The following CRBN variants were observed in gnomAD, a reference collection of about 807,000 sequenced individuals.
CRBN encodes the protein cereblon.
In CRBN, 53 loss-of-function variants were observed where a neutral mutation model predicts 62.2. The ratio of observed to expected loss-of-function variants is 0.85; its 90% CI spans 0.68 to 1.07. The LOEUF (loss-of-function observed/expected upper bound fraction) is 1.07. Among genes scored for constraint, CRBN ranks in the 50% least tolerant of loss-of-function variants. The pLI, the probability that CRBN is intolerant of heterozygous loss-of-function variation, is 0.00. For missense variants in CRBN, 616 were observed against 531.1 expected (o/e 1.16, Z -1.57); for synonymous variants, 208 against 176.1 (o/e 1.18, Z -1.43).
chr3:3,167,744 T>C lies in CRBN; in HGVS notation c.577A>G (p.Thr193Ala), dbSNP rs1707407341. The C allele has an allele frequency of 3.7e-6, 6 of 1,613,550 alleles. No individual in the cohort carries two copies. The African/African-American group carries it at 6.7e-5, about 18-fold the overall frequency. The change falls in exon 5 of 11, where the codon ACC becomes GCC. Residue 193 changes from threonine to alanine, a missense_variant. By Grantham distance (58) the Thr-to-Ala change is moderately conservative (BLOSUM62 0). Coordinates refer to ENST00000231948, the MANE Select transcript of CRBN (RefSeq NM_016302.4). ...GATTCTAATTGAACTGCAGACATGG[T>C]TGAAGGCAACACACATTCGGGAAGA... ...QILPECVLPS[T>A]MSAVQLESLN...
chr3:3,179,307 C>T (rs1036549018), intron 1 of CRBN, among the ~76,000 whole-genome samples: 2 of 152,206 alleles, frequency 1.3e-5, no homozygotes, highest in African/African-American at 4.8e-5. Flanking sequence ...TGACCCGGTC[C>T]TCTAGTTTCA....
chr3:3,179,649 G>C lies in CRBN; in HGVS notation c.39C>G (p.Asn13Lys). 6.2e-7 allele frequency: 1 copy of C among 1,613,236 alleles called. No homozygotes were observed. Among genetic ancestry groups the C allele is most frequent in the East Asian group, 2.2e-5 (1 of 44,866 alleles). The change falls in exon 1 of 11, where the codon AAC becomes AAG. Residue 13 changes from asparagine (N) to lysine (K), a missense_variant. By Grantham distance (94) the Asn-to-Lys change is moderately conservative. Coordinates refer to ENST00000231948, the MANE Select transcript of CRBN (RefSeq NM_016302.4). ...GEGDQQDAAHNMGNHLPLLPA... is the reference protein window; with the variant it reads ...GEGDQQDAAHKMGNHLPLLPA... ...GCAGGAGCGGCAGGTGGTTGCCCAT[G>C]TTGTGCGCAGCGTCCTGCTGATCTC...
intron 4 of CRBN, among the ~76,000 whole-genome samples, chr3:3,170,235 C>T (rs1221699718): frequency 6.6e-6 from 1 of 152,168 alleles, no homozygotes; most frequent in Admixed American, 6.5e-5. Flanking sequence ...CATACCTTGG[C>T]CTTCCAGAGG....
intron 5 of CRBN, among the ~76,000 whole-genome samples, chr3:3,161,992 G>C (rs890102154): frequency 6.6e-6 from 1 of 152,178 alleles, no homozygotes; most frequent in Non-Finnish European, 1.5e-5. Flanking sequence ...TTTGTATCTA[G>C]ATAAAATTAG....
At chr3:3,153,542 C>A in intron 8 of CRBN, 54 bp from the exon 9 acceptor site, 1 of 918,062 alleles carries the variant, frequency 1.1e-6, no homozygotes, top group South Asian at 1.3e-5. Flanking sequence ...TTCACTTTAT[C>A]ATGTAATCAC....
intron 10 of CRBN, among the ~76,000 whole-genome samples, chr3:3,151,408 G>C (rs1193678071): frequency 6.6e-6 from 1 of 152,102 alleles, no homozygotes; most frequent in Non-Finnish European, 1.5e-5. Context: ...TTGCAGTCAA[G>C]TTAGAAAACA....
intron 4 of CRBN, among the ~76,000 whole-genome samples, chr3:3,171,864 T>G (rs1707630770): frequency 6.6e-6 from 1 of 152,158 alleles, no homozygotes. Flanking sequence ...AGAGGTCTGA[T>G]GAGATTTTCA....
rs769628677 is a variant in CRBN, at chr3:3,154,770, T to A, written c.812A>T (p.Asp271Val). ...LREWDENLKD[D>V]SLPSNPIDFS... ...ACCTATTGGATTTGAAGGAAGAGAA[T>A]CATCTTTTAGATTTTCATCCCATTC... Residue 271 changes from aspartate to valine, a missense_variant, in exon 7 of 11, where the codon GAT becomes GTT. Asp to Val is a radical substitution (Grantham distance 152). Transcript: ENST00000231948. 11 of 1,600,466 alleles carry A rather than the reference T, an allele frequency of 6.9e-6. No individual in the cohort carries two copies. The highest frequency in any genetic ancestry group is 9.4e-6 in the Non-Finnish European group (11 of 1,167,896).
At chr3:3,159,945 T>C (rs1033233818) in intron 5 of CRBN, among the ~76,000 whole-genome samples, 4 of 152,216 alleles carry the variant, frequency 2.6e-5, no homozygotes, top group Non-Finnish European at 5.9e-5. Context: ...CCATGATTGA[T>C]GTCATAAAAT....
At position 3,152,879 on chromosome 3, in the gene CRBN, A is replaced by G. The variant is rs7625161; in HGVS notation, c.1017-292T>C. On this transcript the variant is annotated intron_variant, in intron 9 of 10. Coordinates refer to ENST00000231948, the MANE Select transcript of CRBN (RefSeq NM_016302.4). Reference sequence around the variant, plus strand: ...ACATTGTAAAGAATATAAAACTCAAATGCTTCTAAAGGAGTCTGAGAGTGT... The same window carrying G: ...ACATTGTAAAGAATATAAAACTCAAGTGCTTCTAAAGGAGTCTGAGAGTGT... 3.8e-3 allele frequency: 1,633 copies of G among 430,766 alleles called. 21 individuals carry two copies. The highest frequency in any genetic ancestry group is 0.029 in the African/African-American group (1,444 of 50,134). 26.7% of individuals were successfully genotyped at this position (430,766 alleles called of 1,614,324 possible).
At position 3,152,557 on chromosome 3, in the gene CRBN, A is replaced by G. The variant is rs891991905; in HGVS notation, c.1047T>C (p.Tyr349=). The G allele has an allele frequency of 6.8e-6, 11 of 1,614,172 alleles. No individual in the cohort carries two copies. Among genetic ancestry groups the G allele is most frequent in the Middle Eastern group, 1.6e-4 (1 of 6,062 alleles). The part of the protein sequence containing the change: ...SLSLCGPMAA[Y]VNPHGYVHET... ...CATGCACATATCCATGAGGATTCAC[A>G]TAAGCTGCCATCGGCCCACATAAGG... The change falls in exon 10 of 11, where the codon TAT becomes TAC. Residue 349 remains tyrosine (Y), a synonymous_variant. Coordinates refer to ENST00000231948, the MANE Select transcript of CRBN (RefSeq NM_016302.4).
intron 5 of CRBN, among the ~76,000 whole-genome samples, chr3:3,161,936 T>C (rs912934150): frequency 6.6e-6 from 1 of 152,128 alleles, no homozygotes; most frequent in African/African-American, 2.4e-5. Context: ...GATACACCGT[T>C]AAGAAAAAGG....
At chr3:3,171,520 C>T (rs1707613829) in intron 4 of CRBN, among the ~76,000 whole-genome samples, 1 of 152,104 alleles carries the variant, frequency 6.6e-6, no homozygotes, top group Non-Finnish European at 1.5e-5. Flanking sequence ...ACATAAAATC[C>T]TGTCAGGACA....
Position 3,174,255 on chromosome 3 carries a change from C to T in CRBN, c.181G>A (p.Gly61Ser). The change falls in exon 3 of 11, where the codon GGT becomes AGT. Residue 61 changes from glycine to serine, a missense_variant. Transcript: ENST00000231948. ...TSLPTSHTYL[G>S]ADMEEFHGRT... ...CCATGAAATTCTTCCATATCAGCAC[C>T]TAGGTACTATATAAAAACATATATA... 6.2e-7 allele frequency: 1 copy of T among 1,611,886 alleles called. No individual in the cohort carries two copies. Among genetic ancestry groups the T allele is most frequent in the Non-Finnish European group, 8.5e-7 (1 of 1,178,028 alleles).
In CRBN at chr3:3,172,942, A is replaced by G; in HGVS notation, c.378-17T>C. ...TGTACATTGCTTCCAAGAAAATTTTAAAAGGAAAGAATTTTGAACATTTGA... is the reference window on the plus strand; with the variant it reads ...TGTACATTGCTTCCAAGAAAATTTTGAAAGGAAAGAATTTTGAACATTTGA... On this transcript the variant is annotated splice_polypyrimidine_tract_variant and intron_variant, in intron 3 of 10. Transcript: ENST00000231948. 6.2e-7 allele frequency: 1 copy of G among 1,608,996 alleles called. No individual in the cohort carries two copies. The highest frequency in any genetic ancestry group is 8.5e-7 in the Non-Finnish European group (1 of 1,175,396).
intron 5 of CRBN, among the ~76,000 whole-genome samples, chr3:3,157,636 G>A (rs920478196): frequency 6.6e-6 from 1 of 152,062 alleles, no homozygotes; most frequent in East Asian, 1.9e-4. Flanking sequence ...GGAAACGTGG[G>A]AACACAGCAC....
At chr3:3,160,550 C>G (rs752338737) in intron 5 of CRBN, among the ~76,000 whole-genome samples, 11 of 152,160 alleles carry the variant, frequency 7.2e-5, no homozygotes, top group Non-Finnish European at 1.6e-4. Context: ...ACCAGTCTTT[C>G]TGAGGAAGCA....
At chr3:3,154,560 A>C in intron 7 of CRBN, 187 bp downstream of exon 7, 1 of 578,404 alleles carries the variant, frequency 1.7e-6, no homozygotes, top group East Asian at 2.9e-5. Context: ...GAATATGAGG[A>C]TTTTATTGCA....
chr3:3,174,025 G>GA (rs1279183816), intron 3 of CRBN, 34 bp downstream of exon 3: 4 of 1,544,484 alleles, frequency 2.6e-6, no homozygotes, highest in Non-Finnish European at 3.6e-6. Context: ...CCATGAGAGG[G>GA]AATGTATTAA....
Sources: allele counts gnomAD v4.1 joint callset (sites outside exome capture counted in the v4.1 genomes callset), GRCh38; gene constraint gnomAD v4.1.1; transcripts MANE v1.5; gene names NCBI Gene and HGNC (gene_info 2026-07-23, HGNC 2026-07-21).